The following SHROOM3 variants were observed in gnomAD, a reference collection of about 807,000 sequenced individuals.
SHROOM3 encodes shroom family member 3.
Under a neutral mutation model 138.6 loss-of-function variants are expected in SHROOM3, and 47 were observed. The observed-to-expected ratio is 0.34, with a 90% CI of 0.27 to 0.43. SHROOM3 has a LOEUF of 0.43. SHROOM3 is among the 20% of genes least tolerant of loss of function. The pLI is 1.00. For missense variants in SHROOM3, 2,491 were observed against 2,596.5 expected (o/e 0.96, Z 0.88); for synonymous variants, 1,062 against 1,063.3 (o/e 1.00, Z 0.02).
intron 10 of SHROOM3, among the ~76,000 whole-genome samples, chr4:76,771,514 AT>A (rs1453654435): frequency 2.0e-5 from 3 of 152,184 alleles, no homozygotes; most frequent in Non-Finnish European, 4.4e-5. Flanking sequence ...TCATGAATAC[AT>A]TAAAACAGGG....
chr4:76,601,132 C>T lies in SHROOM3; in HGVS notation c.323+45369C>T, dbSNP rs548324537. 2.0e-5 allele frequency among the ~76,000 whole-genome samples: 3 copies of T among 152,332 alleles called. No homozygotes were observed. In the East Asian group the frequency reaches 5.8e-4, roughly 29 times the overall value. ...TTTAAAATTAGCCACCCATAGTTTG[C>T]TGTAAAACAGAAATAAAATTTGGTG... On this transcript the variant is annotated intron_variant, in intron 2 of 10. Transcript: ENST00000296043.
At chr4:76,651,063 T>C (rs890873947) in intron 2 of SHROOM3, among the ~76,000 whole-genome samples, 4 of 151,896 alleles carry the variant, frequency 2.6e-5, no homozygotes, top group African/African-American at 9.7e-5. Context: ...CACTTATTTG[T>C]GGGATTTAAA....
At chr4:76,620,661 A>G (rs1177547997) in intron 2 of SHROOM3, among the ~76,000 whole-genome samples, 2 of 152,154 alleles carry the variant, frequency 1.3e-5, no homozygotes, top group Non-Finnish European at 2.9e-5. Context: ...AAGCCCGACT[A>G]CAGGGGATTA....
intron 1 of SHROOM3, among the ~76,000 whole-genome samples, chr4:76,521,629 G>A (rs752072312): frequency 7.9e-5 from 12 of 152,126 alleles, no homozygotes; most frequent in South Asian, 2.1e-4. Flanking sequence ...AAGTGGCGAC[G>A]GCAAAGTCAT....
At chr4:76,640,731 G>A (rs1420504263) in intron 2 of SHROOM3, among the ~76,000 whole-genome samples, 3 of 152,194 alleles carry the variant, frequency 2.0e-5, no homozygotes, top group Admixed American at 6.5e-5. Context: ...AGCTGTGCAA[G>A]CCAAAATGCC....
chr4:76,609,991 T>G (rs936704374), intron 2 of SHROOM3, among the ~76,000 whole-genome samples: 4 of 152,196 alleles, frequency 2.6e-5, no homozygotes, highest in Admixed American at 2.0e-4. Flanking sequence ...AAGGAGAGAA[T>G]GACTTTGAAA....
rs762845004 is a variant in SHROOM3 at position 76,741,371 on chromosome 4, G to C, written c.3198G>C (p.Lys1066Asn). The C allele has an allele frequency of 1.2e-6, 2 of 1,605,882 alleles. No homozygotes were observed. The highest frequency in any genetic ancestry group is 2.2e-5 in the South Asian group (2 of 89,786). Reference sequence around the variant, plus strand: ...GCCGTCTCTTCGAGCGCGATGGCAAGGCCTGCTCCACGCTCAGCCTGTCGG... The same window carrying C: ...GCCGTCTCTTCGAGCGCGATGGCAACGCCTGCTCCACGCTCAGCCTGTCGG... Reference protein sequence around the residue: ...DRRRLFERDGKACSTLSLSGP... With the variant: ...DRRRLFERDGNACSTLSLSGP... Residue 1066 changes from lysine (K) to asparagine (N), a missense_variant, in exon 5 of 11, where the codon AAG (lysine) becomes AAC (asparagine). Transcript: ENST00000296043. This position sits in a 1 kb window ranked among gnomAD's most constrained non-coding sequence, Gnocchi z 6.2.
intron 2 of SHROOM3, among the ~76,000 whole-genome samples, chr4:76,643,318 A>G (rs958143694): frequency 6.6e-6 from 1 of 152,124 alleles, no homozygotes; most frequent in African/African-American, 2.4e-5. Context: ...ATTCATCCTC[A>G]GAACACCCCT....
chr4:76,530,133 A>G (rs970074547), intron 1 of SHROOM3, among the ~76,000 whole-genome samples: 2 of 152,322 alleles, frequency 1.3e-5, no homozygotes, highest in Middle Eastern at 3.4e-3. Flanking sequence ...TTTAACATTG[A>G]AAAGAAATGG....
intron 3 of SHROOM3, among the ~76,000 whole-genome samples, chr4:76,719,536 ATGTT>A (rs1447028240): frequency 6.6e-6 from 1 of 152,242 alleles, no homozygotes; most frequent in Non-Finnish European, 1.5e-5. Context: ...AGATATTACA[ATGTT>A]TGCATCAAAT....
chr4:76,717,154 T>G (rs1720398552), intron 3 of SHROOM3, among the ~76,000 whole-genome samples: 1 of 152,188 alleles, frequency 6.6e-6, no homozygotes, highest in African/African-American at 2.4e-5. Flanking sequence ...ACTTTCAATC[T>G]TTTACTCCAC....
rs952451356 is a variant in SHROOM3 at position 76,730,852 on chromosome 4, T to G, written c.504T>G (p.Ser168=). The G allele has an allele frequency of 1.2e-6, 2 of 1,613,920 alleles. No individual in the cohort carries two copies. Among genetic ancestry groups the G allele is most frequent in the Admixed American group, 3.3e-5 (2 of 59,986 alleles). The change falls in exon 4 of 11, where the codon TCT becomes TCG. Residue 168 remains serine, a synonymous_variant. Transcript: ENST00000296043. ...GRPHSWHTTK[S]GEKQPDASMM... is the part of the protein sequence containing the mutation. ...CTCACTCGTGGCACACAACTAAATC[T>G]GGGGAGAAGCAACCCGATGCCAGCA...
At chr4:76,507,547 T>TC (rs962800602) in intron 1 of SHROOM3, among the ~76,000 whole-genome samples, 2 of 151,552 alleles carry the variant, frequency 1.3e-5, no homozygotes, top group African/African-American at 4.9e-5. Flanking sequence ...CTCTTTTTTT[T>TC]TTTTTTTGAG....
chr4:76,747,345 A>G (rs781145318), intron 5 of SHROOM3, among the ~76,000 whole-genome samples: 2 of 152,182 alleles, frequency 1.3e-5, no homozygotes, highest in South Asian at 2.1e-4. Context: ...AAAGCAAGAA[A>G]TGCAATAGGA....
chr4:76,544,355 G>T (rs1226118787), intron 1 of SHROOM3, among the ~76,000 whole-genome samples: 1 of 138,838 alleles, frequency 7.2e-6, no homozygotes, highest in Non-Finnish European at 1.6e-5. Flanking sequence ...AATTAACCAT[G>T]TTGACTTTTT....
At chr4:76,703,431 T>C (rs540542921) in intron 2 of SHROOM3, among the ~76,000 whole-genome samples, 59 of 152,242 alleles carry the variant, frequency 3.9e-4, no homozygotes, top group Middle Eastern at 3.4e-3. Flanking sequence ...GGGTAATTCA[T>C]TGAGATGTCT....
At chr4:76,482,967 A>G (rs1409435887) in intron 1 of SHROOM3, among the ~76,000 whole-genome samples, 3 of 152,164 alleles carry the variant, frequency 2.0e-5, no homozygotes, top group South Asian at 2.1e-4. Context: ...CTGAAACTGG[A>G]CCCCTTCCTT....
intron 1 of SHROOM3, among the ~76,000 whole-genome samples, chr4:76,529,048 C>T (rs1003264022): frequency 5.3e-5 from 8 of 152,176 alleles, no homozygotes; most frequent in African/African-American, 1.9e-4. Context: ...AAACTTGCCC[C>T]GGTCTATGCA....
Position 76,608,645 on chromosome 4 carries a change from GC to G in SHROOM3, c.323+52883del, listed in dbSNP as rs1262877039. 3.2e-4 allele frequency among the ~76,000 whole-genome samples: 6 copies of G among 18,788 alleles called. No homozygotes were observed. The East Asian group carries it at 0.043, about 135-fold the overall frequency. The allele number at this position is 18,788 out of a possible 152,430, so 12.3% of individuals were successfully genotyped here. On this transcript the variant is annotated intron_variant, in intron 2 of 10. Coordinates refer to ENST00000296043, the MANE Select transcript of SHROOM3 (RefSeq NM_020859.4). The stretch of plus-strand genomic sequence containing the variant: ...AGATGGTATAGCATAGCATAGCATA[GC>G]ATAGCATAGCATAGCATAGCACAGC...
Sources: allele counts gnomAD v4.1 joint callset (sites outside exome capture counted in the v4.1 genomes callset), GRCh38; gene constraint gnomAD v4.1.1; non-coding constraint Gnocchi (gnomAD v3.1); transcripts MANE v1.5; gene names NCBI Gene and HGNC (gene_info 2026-07-23, HGNC 2026-07-21).